The following GALNT13 variants were observed in gnomAD, a reference collection of about 807,000 sequenced individuals.
GALNT13 encodes the protein UDP-GalNAc:polypeptide N-acetylgalactosaminyltransferase 13.
In GALNT13, 28 loss-of-function variants were observed where a neutral mutation model predicts 64.2. The ratio of observed to expected loss-of-function variants is 0.44; its 90% CI spans 0.32 to 0.60. GALNT13 has a LOEUF of 0.60. Among genes scored for constraint, GALNT13 ranks in the 20% least tolerant of loss-of-function variants. GALNT13 has a pLI of 0.05. For synonymous variants in GALNT13, 214 were observed against 224.6 expected, an observed-to-expected ratio of 0.95 and a Z score of 0.42; for missense variants, 577 against 669.8, an observed-to-expected ratio of 0.86 and a Z score of 1.53.
the GALNT13 span, among the ~76,000 whole-genome samples, chr2:153,510,988 A>C: frequency 6.6e-6 from 1 of 152,070 alleles, no homozygotes; most frequent in Admixed American, 6.6e-5. Context: ...GTAAGGATGA[A>C]AGACTGACCT....
chr2:153,128,740 G>T, the GALNT13 span, among the ~76,000 whole-genome samples: 2 of 152,058 alleles, frequency 1.3e-5, no homozygotes, highest in South Asian at 4.1e-4. Context: ...TTTACAAAAG[G>T]AAGAGGTTTA....
chr2:153,807,896 T>C, the GALNT13 span, among the ~76,000 whole-genome samples: 1 of 152,148 alleles, frequency 6.6e-6, no homozygotes, highest in African/African-American at 2.4e-5. Context: ...GTTTTAGGCA[T>C]GAGTTAAAGC....
chr2:153,669,750 G>GATT, the GALNT13 span, among the ~76,000 whole-genome samples: 16 of 152,238 alleles, frequency 1.1e-4, no homozygotes, highest in African/African-American at 3.9e-4. Flanking sequence ...GGGGACAGGG[G>GATT]ATTTCCTTTT....
the GALNT13 span, among the ~76,000 whole-genome samples, chr2:153,255,227 C>A: frequency 1.4e-5 from 2 of 142,398 alleles, no homozygotes; most frequent in Admixed American, 7.0e-5. Context: ...TATGTAATGG[C>A]CTTCTTTGTC....
At chr2:153,703,750 CT>C in the GALNT13 span, among the ~76,000 whole-genome samples, 2 of 152,084 alleles carry the variant, frequency 1.3e-5, no homozygotes, top group East Asian at 1.9e-4. Flanking sequence ...CCTGCATTTC[CT>C]TTTTTTAACA....
intron 3 of GALNT13, among the ~76,000 whole-genome samples, chr2:154,020,797 T>A (rs919532738): frequency 2.0e-4 from 30 of 152,044 alleles, no homozygotes; most frequent in East Asian, 1.4e-3. Flanking sequence ...CTGAATGGTA[T>A]TGCCTAGGTT....
At chr2:153,470,726 T>A in the GALNT13 span, among the ~76,000 whole-genome samples, 1 of 152,196 alleles carries the variant, frequency 6.6e-6, no homozygotes, top group African/African-American at 2.4e-5. Flanking sequence ...AGATTCTTAA[T>A]TAATAAAGTC....
the GALNT13 span, among the ~76,000 whole-genome samples, chr2:153,428,219 G>A: frequency 1.3e-5 from 2 of 152,102 alleles, no homozygotes; most frequent in Non-Finnish European, 2.9e-5. Context: ...AGGTTTATTT[G>A]GCTCACAGTT....
At chr2:154,298,875 A>G (rs1294982005) in intron 8 of GALNT13, among the ~76,000 whole-genome samples, 6 of 129,470 alleles carry the variant, frequency 4.6e-5, no homozygotes, top group African/African-American at 1.7e-4. Context: ...TATATACATT[A>G]TATATTATTT....
At chr2:153,433,637 C>G in the GALNT13 span, among the ~76,000 whole-genome samples, 2 of 151,922 alleles carry the variant, frequency 1.3e-5, no homozygotes, top group East Asian at 3.9e-4. Context: ...TTAGCAAATA[C>G]CTAGAGAAGG....
chr2:154,132,718 A>G (rs2105552159), intron 3 of GALNT13, among the ~76,000 whole-genome samples: 1 of 151,774 alleles, frequency 6.6e-6, no homozygotes, highest in African/African-American at 2.4e-5. Flanking sequence ...AAACATGAAA[A>G]AATAACATGA....
the GALNT13 span, among the ~76,000 whole-genome samples, chr2:153,164,852 G>C: frequency 1.3e-5 from 2 of 151,978 alleles, no homozygotes; most frequent in African/African-American, 4.8e-5. Flanking sequence ...TTAATTTTTT[G>C]ATGGATATTA....
intron 2 of GALNT13, among the ~76,000 whole-genome samples, chr2:153,905,893 T>C (rs146928281): frequency 8.5e-5 from 13 of 152,062 alleles, no homozygotes; most frequent in African/African-American, 3.1e-4. Context: ...GCAATCAATC[T>C]GATAACCGAT....
At chr2:154,011,330 G>T (rs1696624561) in intron 3 of GALNT13, among the ~76,000 whole-genome samples, 1 of 152,080 alleles carries the variant, frequency 6.6e-6, no homozygotes, top group African/African-American at 2.4e-5. Context: ...TAATTTCATT[G>T]TTTACCCAAA....
At chr2:154,270,253 A>G (rs1317407157) in intron 8 of GALNT13, among the ~76,000 whole-genome samples, 1 of 151,942 alleles carries the variant, frequency 6.6e-6, no homozygotes, top group African/African-American at 2.4e-5. Flanking sequence ...AGAGCTTTAT[A>G]TTAGCCTTTG....
chr2:153,163,947 G>A, the GALNT13 span, among the ~76,000 whole-genome samples: 1 of 151,364 alleles, frequency 6.6e-6, no homozygotes, highest in African/African-American at 2.4e-5. Context: ...GAACCCGGGA[G>A]GCAGAACTTG....
chr2:154,259,053 T>C lies in GALNT13; in HGVS notation c.890T>C (p.Ile297Thr), dbSNP rs779046497. The change falls in exon 8 of 13, where the codon ATT becomes ACT. Residue 297 changes from isoleucine to threonine, a missense_variant. Coordinates refer to ENST00000392825, the MANE Select transcript of GALNT13 (RefSeq NM_052917.4). ...TPTMAGGLFS[I>T]DRNYFEEIGT... is the part of the protein sequence containing the mutation. ...ACTATGGCTGGTGGCCTATTTTCTA[T>C]TGACAGAAACTACTTTGAAGAGATA... is the stretch of plus-strand genomic sequence containing the variant. 2 of 1,607,866 alleles carry C rather than the reference T, an allele frequency of 1.2e-6. No homozygotes were observed. The highest frequency in any genetic ancestry group is 2.7e-5 in the African/African-American group (2 of 74,618).
chr2:153,760,411 A>G, the GALNT13 span, among the ~76,000 whole-genome samples: 1 of 151,882 alleles, frequency 6.6e-6, no homozygotes, highest in African/African-American at 2.4e-5. Context: ...TTTTTGTTGT[A>G]TCCCATAAGT....
the GALNT13 span, among the ~76,000 whole-genome samples, chr2:153,745,081 T>C: frequency 7.8e-3 from 1,188 of 152,120 alleles, 15 homozygotes; most frequent in African/African-American, 0.028. Context: ...TAGACTGAGG[T>C]CCATTAGAAA....
Sources: gnomAD v4.1 joint callset for allele counts (sites outside exome capture counted in the v4.1 genomes callset) on GRCh38, gnomAD v4.1.1 for gene constraint, MANE v1.5 for transcripts, NCBI Gene and HGNC (gene_info 2026-07-23, HGNC 2026-07-21) for gene names.